RLN2: variants seen among roughly 807,000 people sequenced by gnomAD.
RLN2 encodes relaxin 2, also known as prorelaxin H2.
RLN2 carries 10 observed loss-of-function variants against 7.3 expected under a neutral mutation model. The ratio of observed to expected loss-of-function variants is 1.36; its 90% confidence interval spans 0.84 to 2.31. The LOEUF (loss-of-function observed/expected upper bound fraction) is 2.31. Ranked by LOEUF, RLN2 falls within the 30% of genes most tolerant of loss-of-function variation. RLN2 has a pLI of 0.00. For missense variants in RLN2, 298 were observed against 217.6 expected (o/e 1.37, Z -2.32); for synonymous variants, 103 against 82.3 (o/e 1.25, Z -1.36).
intron 1 of RLN2, among the ~76,000 whole-genome samples, chr9:5,302,389 G>C (rs1816166712): frequency 6.6e-6 from 1 of 152,124 alleles, no homozygotes; most frequent in Non-Finnish European, 1.5e-5. Flanking sequence ...ACATATTGTA[G>C]GATGAAATGG....
chr9:5,317,050 T>G, the RLN2 span, among the ~76,000 whole-genome samples: 1 of 151,996 alleles, frequency 6.6e-6, no homozygotes, highest in Admixed American at 6.6e-5. Flanking sequence ...AGCCTCACAG[T>G]AACCAGAAAA....
At chr9:5,305,574 T>G (rs557920897), upstream of RLN2, among the ~76,000 whole-genome samples, 1 of 151,638 alleles carries the variant, frequency 6.6e-6, no homozygotes, top group South Asian at 2.1e-4. Flanking sequence ...TAATTTAACT[T>G]TCTAAAGATC....
the RLN2 span, among the ~76,000 whole-genome samples, chr9:5,320,832 C>T: frequency 6.6e-6 from 1 of 152,064 alleles, no homozygotes; most frequent in African/African-American, 2.4e-5. Context: ...CTTCTAGCTA[C>T]TCTGTGCTGG....
chr9:5,306,187 A>C (rs1226896146), upstream of RLN2, among the ~76,000 whole-genome samples: 2 of 148,456 alleles, frequency 1.3e-5, no homozygotes, highest in Non-Finnish European at 3.0e-5. Context: ...AGCTCACTGC[A>C]ACCTCCACCT....
chr9:5,331,523 T>C, the RLN2 span, among the ~76,000 whole-genome samples: 1 of 151,934 alleles, frequency 6.6e-6, no homozygotes, highest in African/African-American at 2.4e-5. Context: ...TGCAGGGACA[T>C]GGATGAAGTT....
chr9:5,330,766 C>CA, the RLN2 span, among the ~76,000 whole-genome samples: 21,806 of 76,096 alleles, frequency 0.29, 1,964 homozygotes, highest in South Asian at 0.37. Context: ...GATAGAGAGA[C>CA]AAAAAAAAAA....
chr9:5,301,585 G>T (rs757636475), intron 1 of RLN2, among the ~76,000 whole-genome samples: 15 of 152,128 alleles, frequency 9.9e-5, no homozygotes, highest in Non-Finnish European at 2.2e-4. Context: ...TTCCTGGACA[G>T]GAAAACTCTC....
At chr9:5,306,102 G>GGTTTTTT (rs1554618110), upstream of RLN2, among the ~76,000 whole-genome samples, 241 of 123,414 alleles carry the variant, frequency 2.0e-3, 6 homozygotes, top group African/African-American at 7.6e-3. Flanking sequence ...CTTTGTTTTT[G>GGTTTTTT]TTTTTTGTTT....
the RLN2 span, among the ~76,000 whole-genome samples, chr9:5,321,318 T>C: frequency 6.6e-6 from 1 of 152,080 alleles, no homozygotes; most frequent in African/African-American, 2.4e-5. Flanking sequence ...AGTGTGCTTA[T>C]TACCTCATCT....
chr9:5,305,618 C>A (rs1176032610), upstream of RLN2, among the ~76,000 whole-genome samples: 1 of 151,970 alleles, frequency 6.6e-6, no homozygotes, highest in Non-Finnish European at 1.5e-5. Flanking sequence ...TAGTAGACAA[C>A]CCTTCTACCT....
chr9:5,318,007 C>T, the RLN2 span, among the ~76,000 whole-genome samples: 262 of 148,056 alleles, frequency 1.8e-3, 1 homozygote, highest in Non-Finnish European at 2.5e-3. Context: ...TGTGTGTGTG[C>T]GTGTGTGTGT....
the RLN2 span, chr9:5,335,457 C>A: frequency 2.5e-6 from 4 of 1,613,596 alleles, no homozygotes; most frequent in East Asian, 4.5e-5. Context: ...TCCTTTAATG[C>A]AGGTACATAC....
chr9:5,300,340 G>C lies in RLN2; in HGVS notation c.316C>G (p.Gln106Glu), dbSNP rs1248432348. 1 of 1,613,738 alleles carries C rather than the reference G, an allele frequency of 6.2e-7. No homozygotes were observed. Among genetic ancestry groups the C allele is most frequent in the Non-Finnish European group, 8.5e-7 (1 of 1,179,702 alleles). Residue 106 changes from glutamine to glutamate, a missense_variant, in exon 2 of 2, where the codon CAG (glutamine) becomes GAG (glutamate). Transcript: ENST00000381627. ...TGTTGTAGCTGTGGTAATGCTGGCT[G>C]CATCTCAGACAGGGTTAACTTCAGC... is the stretch of plus-strand genomic sequence containing the variant. ...QELKLTLSEM[Q>E]PALPQLQQHV...
chr9:5,325,968 C>G, the RLN2 span, among the ~76,000 whole-genome samples: 2 of 151,978 alleles, frequency 1.3e-5, no homozygotes, highest in African/African-American at 2.4e-5. Flanking sequence ...CTTTAGTCAA[C>G]AGACACTTGT....
chr9:5,301,685 T>G (rs1429561395), intron 1 of RLN2, among the ~76,000 whole-genome samples: 1 of 152,202 alleles, frequency 6.6e-6, no homozygotes, highest in Non-Finnish European at 1.5e-5. Flanking sequence ...GGTTAACCAC[T>G]GATGCCTGCT....
chr9:5,308,298 ACT>A (rs762798755), upstream of RLN2, among the ~76,000 whole-genome samples: 2 of 151,994 alleles, frequency 1.3e-5, no homozygotes, highest in South Asian at 2.1e-4. Context: ...AAGATAAATA[ACT>A]TCATTAGTTT....
At chr9:5,332,554 G>A in the RLN2 span, among the ~76,000 whole-genome samples, 4 of 151,438 alleles carry the variant, frequency 2.6e-5, no homozygotes, top group South Asian at 4.2e-4. Flanking sequence ...ACAGCAGATT[G>A]GAACAATTTA....
upstream of RLN2, among the ~76,000 whole-genome samples, chr9:5,309,526 C>T (rs1389883774): frequency 6.6e-6 from 1 of 151,996 alleles, no homozygotes; most frequent in Non-Finnish European, 1.5e-5. Context: ...CCTGGACCAT[C>T]GGCCTTGCCA....
chr9:5,336,064 T>C, the RLN2 span, among the ~76,000 whole-genome samples: 6 of 152,152 alleles, frequency 3.9e-5, no homozygotes, highest in South Asian at 1.0e-3. Context: ...AGCTACTCAA[T>C]GTTTCGTGGT....
Sources: gnomAD v4.1 joint callset for allele counts (sites outside exome capture counted in the v4.1 genomes callset) on GRCh38, gnomAD v4.1.1 for gene constraint, MANE v1.5 for transcripts, NCBI Gene and HGNC (gene_info 2026-07-23, HGNC 2026-07-21) for gene names.